The following SNAP47 variants were observed in gnomAD, a reference collection of about 807,000 sequenced individuals.
SNAP47 encodes synaptosomal-associated protein 47.
In SNAP47, 20 loss-of-function variants were observed where a neutral mutation model predicts 31.4. That is an observed-to-expected ratio of 0.64 (90% CI 0.45 to 0.93). SNAP47 has a LOEUF of 0.93. Ranked by LOEUF, SNAP47 falls within the 40% of genes least tolerant of loss-of-function variation. The pLI is 0.00. For synonymous variants in SNAP47, 194 were observed against 213.4 expected (o/e 0.91, Z 0.79); for missense variants, 492 against 528.5 (o/e 0.93, Z 0.68).
chr1:227,772,404 A>AG (rs1301515030), intron 4 of SNAP47, among the ~76,000 whole-genome samples: 3 of 147,190 alleles, frequency 2.0e-5, no homozygotes, highest in Admixed American at 1.4e-4. Context: ...TCCTTACAGC[A>AG]GGGGAGTCAC....
chr1:227,780,903 C>T lies in SNAP47; in HGVS notation c.*230C>T, dbSNP rs941989277. On this transcript the variant is annotated 3_prime_UTR_variant, in exon 5 of 5. Transcript: ENST00000617596. The stretch of plus-strand genomic sequence containing the variant: ...GGGCAGGACCCGGCCACATGTTCTG[C>T]GGATGCTGCAGAAGTGTGGACCATG... 13 of 588,412 alleles carry T rather than the reference C, an allele frequency of 2.2e-5. No individual in the cohort carries two copies. Among genetic ancestry groups the T allele is most frequent in the East Asian group, 6.0e-5 (2 of 33,546 alleles). The allele number at this position is 588,412 out of a possible 1,614,324, so 36.4% of individuals were successfully genotyped here.
At chr1:227,750,480 A>G (rs1338311613) in intron 2 of SNAP47, among the ~76,000 whole-genome samples, 1 of 152,226 alleles carries the variant, frequency 6.6e-6, no homozygotes, top group Non-Finnish European at 1.5e-5. Context: ...TGGCCCTGCT[A>G]TGTGGACACT....
At chr1:227,742,453 T>C (rs1181473582) in intron 1 of SNAP47, among the ~76,000 whole-genome samples, 1 of 152,222 alleles carries the variant, frequency 6.6e-6, no homozygotes, top group African/African-American at 2.4e-5. Context: ...CTTTTAGTTA[T>C]TTTGACGGTG....
At position 227,777,038 on chromosome 1, in the gene SNAP47, A is replaced by G. The variant is rs1213688805; in HGVS notation, c.1114-3489A>G. 5 of 985,296 alleles carry G rather than the reference A, an allele frequency of 5.1e-6. No individual in the cohort carries two copies. The African/African-American group carries it at 8.7e-5, about 17-fold the overall frequency. 61.0% of individuals were successfully genotyped at this position (985,296 alleles called of 1,614,324 possible). On this transcript the variant is annotated intron_variant, in intron 4 of 4. Transcript: ENST00000617596. ...CTGTGCTTAATAGGCAAAACCCTAA[A>G]CTATAGAAATTTTTGCTATTCCCAC... is the stretch of plus-strand genomic sequence containing the variant.
At chr1:227,737,622 G>A (rs1321346880) in intron 1 of SNAP47, among the ~76,000 whole-genome samples, 1 of 152,144 alleles carries the variant, frequency 6.6e-6, no homozygotes, top group Non-Finnish European at 1.5e-5. Flanking sequence ...GGAGTGCTGG[G>A]GCTCTGAGCC....
intron 2 of SNAP47, among the ~76,000 whole-genome samples, chr1:227,754,694 T>C (rs1662588271): frequency 6.6e-6 from 1 of 152,174 alleles, no homozygotes; most frequent in Non-Finnish European, 1.5e-5. Context: ...TGATCAGAGC[T>C]GGTGGCCTGC....
rs376126623 is a variant in SNAP47 at position 227,759,512 on chromosome 1, C to T, written c.988+27C>T. The T allele has an allele frequency of 1.0e-5, 16 of 1,601,116 alleles. No individual in the cohort carries two copies. The African/African-American group carries it at 1.1e-4, about 11-fold the overall frequency. On this transcript the variant is annotated intron_variant, in intron 3 of 4. Coordinates refer to ENST00000617596, the MANE Select transcript of SNAP47 (RefSeq NM_053052.4). ...TTAGTGACCGACAAGGCAGTGAGCG[C>T]GTGCACAGACTTCTAAAATTACAGG...
chr1:227,750,064 G>A (rs1432324866), intron 2 of SNAP47, among the ~76,000 whole-genome samples: 1 of 152,212 alleles, frequency 6.6e-6, no homozygotes, highest in African/African-American at 2.4e-5. Flanking sequence ...GGGTCATATT[G>A]GTGCATCAGT....
Position 227,759,133 on chromosome 1 carries a change from A to G in SNAP47, c.636A>G (p.Lys212=), listed in dbSNP as rs1484857224. Residue 212 remains lysine, a synonymous_variant, in exon 3 of 5, where the codon AAA becomes AAG. Transcript: ENST00000617596. ...EPFGKEGILI[K]IPAVISHRTE... is the part of the protein sequence containing the mutation. ...TTGGGAAAGAAGGGATACTGATAAAAATTCCTGCTGTTATTTCCCACAGAA... is the reference window on the plus strand; with the variant it reads ...TTGGGAAAGAAGGGATACTGATAAAGATTCCTGCTGTTATTTCCCACAGAA... The G allele has an allele frequency of 6.2e-7, 1 of 1,614,030 alleles. No homozygotes were observed.
At chr1:227,776,210 A>G (rs1022552448) in intron 4 of SNAP47, 8 of 1,086,338 alleles carry the variant, frequency 7.4e-6, no homozygotes, top group African/African-American at 1.6e-5. Context: ...CTGATGCTCT[A>G]AGCTGCAGCT....
At chr1:227,772,557 C>A (rs1336318893) in intron 4 of SNAP47, among the ~76,000 whole-genome samples, 1 of 152,146 alleles carries the variant, frequency 6.6e-6, no homozygotes, top group Non-Finnish European at 1.5e-5. Context: ...TAAGCGTTCA[C>A]GTGAGCATCT....
At chr1:227,732,901 C>A (rs200290119), upstream of SNAP47, 29 of 1,612,708 alleles carry the variant, frequency 1.8e-5, no homozygotes, top group African/African-American at 2.1e-4. Context: ...TGGTGCCAGT[C>A]GGGCATGGAG....
chr1:227,738,127 C>T (rs539133270), intron 1 of SNAP47, among the ~76,000 whole-genome samples: 6 of 152,118 alleles, frequency 3.9e-5, no homozygotes, highest in East Asian at 1.9e-4. Flanking sequence ...CTGCAACCTC[C>T]GCCTCCCAGG....
chr1:227,733,069 G>A (rs1169156034), upstream of SNAP47: 1 of 1,607,494 alleles, frequency 6.2e-7, no homozygotes, highest in Non-Finnish European at 8.5e-7. Context: ...CCCATGGCAG[G>A]TGCCCCCTGA....
chr1:227,776,156 G>A lies in SNAP47; in HGVS notation c.1114-4371G>A, dbSNP rs529423918. ...ACGCCCTCAGCGGGTCCCACAAGCCGCTCAGGACCACAGAGTCTGGCCATG... is the reference window on the plus strand; with the variant it reads ...ACGCCCTCAGCGGGTCCCACAAGCCACTCAGGACCACAGAGTCTGGCCATG... On this transcript the variant is annotated intron_variant, in intron 4 of 4. Transcript: ENST00000617596. 119 of 1,159,684 alleles carry A rather than the reference G, an allele frequency of 1.0e-4. No individual in the cohort carries two copies. In the Middle Eastern group the frequency reaches 2.4e-3, roughly 24 times the overall value. The allele number at this position is 1,159,684 out of a possible 1,614,324, so 71.8% of individuals were successfully genotyped here.
chr1:227,733,606 G>C, upstream of SNAP47: 1 of 1,606,284 alleles, frequency 6.2e-7, no homozygotes, highest in Non-Finnish European at 8.5e-7. Context: ...CTGGGGGGAA[G>C]AGGAGCCACT....
Position 227,741,829 on chromosome 1 carries a change from A to G in SNAP47, c.-45-5863A>G, listed in dbSNP as rs1661625115. ...TCCTTGCACTGCATCTCCGTTGACT[A>G]AGGTTTTCTGGGAAAGAAGCCCTGG... On this transcript the variant is annotated intron_variant, in intron 1 of 4. Coordinates refer to ENST00000617596, the MANE Select transcript of SNAP47 (RefSeq NM_053052.4). This position sits in a 1 kb window ranked among gnomAD's most constrained non-coding sequence, Gnocchi z 4.2. 6.6e-6 allele frequency among the ~76,000 whole-genome samples: 1 copy of G among 151,984 alleles called. No homozygotes were observed. The highest frequency in any genetic ancestry group is 1.5e-5 in the Non-Finnish European group (1 of 68,004).
upstream of SNAP47, among the ~76,000 whole-genome samples, chr1:227,728,349 G>GT (rs1660441875): frequency 1.3e-5 from 2 of 149,784 alleles, no homozygotes; most frequent in East Asian, 4.2e-4. Context: ...CCACCGGAGC[G>GT]GGGGGGGCGG....
intron 2 of SNAP47, among the ~76,000 whole-genome samples, chr1:227,757,980 C>T (rs940172496): frequency 2.0e-5 from 3 of 152,218 alleles, no homozygotes; most frequent in Non-Finnish European, 4.4e-5. Flanking sequence ...CGCAGTCACC[C>T]TGCTGGGCAG....
Sources: gnomAD v4.1 joint callset for allele counts (sites outside exome capture counted in the v4.1 genomes callset) on GRCh38, gnomAD v4.1.1 for gene constraint, Gnocchi (gnomAD v3.1) non-coding constraint, MANE v1.5 for transcripts, NCBI Gene and HGNC (gene_info 2026-07-23, HGNC 2026-07-21) for gene names.